Variants in COL4A2 observed in about 807,000 individuals in gnomAD.
COL4A2 encodes collagen type IV alpha 2 chain.
COL4A2 carries 99 observed loss-of-function variants against 200.2 expected under a neutral mutation model. The observed-to-expected ratio is 0.49, with a 90% confidence interval of 0.42 to 0.58. The LOEUF is 0.58. COL4A2 is among the 20% of genes least tolerant of loss of function. The pLI, the probability that COL4A2 is intolerant of heterozygous loss-of-function variation, is 0.00. For missense variants in COL4A2, 1,950 were observed against 2,314.1 expected (o/e 0.84, Z 3.23); for synonymous variants, 897 against 900.6 (o/e 1.00, Z 0.07).
intron 45 of COL4A2, among the ~76,000 whole-genome samples, chr13:110,505,336 C>A (rs1468484201): frequency 6.6e-6 from 1 of 151,378 alleles, no homozygotes; most frequent in African/African-American, 2.4e-5. Context: ...GGGGACAGAG[C>A]GAGACTCCGT....
intron 31 of COL4A2, among the ~76,000 whole-genome samples, chr13:110,482,201 G>A (rs185230078): frequency 5.1e-3 from 777 of 152,370 alleles, no homozygotes; most frequent in Non-Finnish European, 9.2e-3. Context: ...CTCTGCCTTT[G>A]TCTTGATGGG....
At chr13:110,350,698 A>G (rs1380527201) in intron 3 of COL4A2, among the ~76,000 whole-genome samples, 1 of 152,124 alleles carries the variant, frequency 6.6e-6, no homozygotes, top group Non-Finnish European at 1.5e-5. Flanking sequence ...GGGCTTTGCA[A>G]ACCTCGGTGT....
At chr13:110,511,235 G>GAA (rs11403645) in intron 47 of COL4A2, among the ~76,000 whole-genome samples, 191 of 128,528 alleles carry the variant, frequency 1.5e-3, no homozygotes, top group East Asian at 9.2e-3. Flanking sequence ...ACTTTAAAAT[G>GAA]AAAAAAAAAA....
chr13:110,423,787 A>G (rs1335876421), intron 4 of COL4A2, among the ~76,000 whole-genome samples: 1 of 152,116 alleles, frequency 6.6e-6, no homozygotes, highest in African/African-American at 2.4e-5. Context: ...TGAGCGTGCT[A>G]GGGACTGCAT....
intron 3 of COL4A2, among the ~76,000 whole-genome samples, chr13:110,344,249 G>T (rs1248339690): frequency 6.6e-6 from 1 of 152,092 alleles, no homozygotes; most frequent in Non-Finnish European, 1.5e-5. Context: ...AGAGTTAAAA[G>T]CTCCTTGTAA....
chr13:110,313,105 C>A (rs1885030910), intron 3 of COL4A2, among the ~76,000 whole-genome samples: 1 of 152,110 alleles, frequency 6.6e-6, no homozygotes, highest in African/African-American at 2.4e-5. Context: ...CCACATGGGA[C>A]TTTTTATCTT....
At position 110,469,292 on chromosome 13, in the gene COL4A2, A is replaced by G; in HGVS notation, c.2171A>G (p.Asp724Gly). 1 of 1,599,034 alleles carries G rather than the reference A, an allele frequency of 6.3e-7. No homozygotes were observed. Among genetic ancestry groups the G allele is most frequent in the Non-Finnish European group, 8.5e-7 (1 of 1,173,034 alleles). The change falls in exon 28 of 48, where the codon GAC becomes GGC. Residue 724 changes from aspartate (D) to glycine (G), a missense_variant. By Grantham distance (94) the Asp-to-Gly change is moderately conservative. Coordinates refer to ENST00000360467, the MANE Select transcript of COL4A2 (RefSeq NM_001846.4). ...GGPGPRGLPG[D>G]AGREGFPGPP... ...CCAGGGCCCAGGGGCTTGCCAGGAG[A>G]CGCAGGTCGTGAAGGGTTCCCAGGA... is the stretch of plus-strand genomic sequence containing the variant.
intron 3 of COL4A2, among the ~76,000 whole-genome samples, chr13:110,356,100 A>G (rs1006833655): frequency 6.6e-6 from 1 of 151,902 alleles, no homozygotes; most frequent in East Asian, 1.9e-4. Context: ...CAGTAGCCCA[A>G]TCTCCAAGTC....
intron 29 of COL4A2, among the ~76,000 whole-genome samples, chr13:110,476,296 T>G (rs1882701618): frequency 2.6e-5 from 4 of 152,096 alleles, no homozygotes; most frequent in Non-Finnish European, 5.9e-5. Flanking sequence ...ACAATCCATT[T>G]CCCCTGGAGC....
At chr13:110,363,980 C>T (rs765858184) in intron 4 of COL4A2, among the ~76,000 whole-genome samples, 2 of 152,114 alleles carry the variant, frequency 1.3e-5, no homozygotes, top group Non-Finnish European at 2.9e-5. Flanking sequence ...AGATTATAGG[C>T]GTGAGCCACT....
In COL4A2 at chr13:110,512,325, CACTT is replaced by C; in HGVS notation, c.*136_*139del. On this transcript the variant is annotated 3_prime_UTR_variant, in exon 48 of 48. Coordinates refer to ENST00000360467, the MANE Select transcript of COL4A2 (RefSeq NM_001846.4). Reference sequence around the variant, plus strand: ...CAAAGGAATTTGCATCCAGCAGCAGCACTTAGACCTGCCAGCCACTGTCACCGAG... The same window carrying C: ...CAAAGGAATTTGCATCCAGCAGCAGCAGACCTGCCAGCCACTGTCACCGAG... 7.3e-7 allele frequency: 1 copy of C among 1,379,036 alleles called. No homozygotes were observed. The highest frequency in any genetic ancestry group is 1.5e-5 in the South Asian group (1 of 64,724). The allele number at this position is 1,379,036 out of a possible 1,614,324, so 85.4% of individuals were successfully genotyped here.
At chr13:110,354,180 G>A (rs144184856) in intron 3 of COL4A2, among the ~76,000 whole-genome samples, 1 of 152,318 alleles carries the variant, frequency 6.6e-6, no homozygotes, top group East Asian at 1.9e-4. Context: ...ATGAGTTGAT[G>A]CTTTACCCTA....
At chr13:110,509,770 G>T (rs1884025210) in intron 47 of COL4A2, among the ~76,000 whole-genome samples, 1 of 152,142 alleles carries the variant, frequency 6.6e-6, no homozygotes, top group Non-Finnish European at 1.5e-5. Flanking sequence ...ATGGCTGACA[G>T]CCCCAGCAAG....
chr13:110,345,617 G>A (rs986259485), intron 3 of COL4A2, among the ~76,000 whole-genome samples: 2 of 152,138 alleles, frequency 1.3e-5, no homozygotes, highest in African/African-American at 4.8e-5. Flanking sequence ...CCTGATATGG[G>A]CTCTCAACTA....
chr13:110,381,360 T>G (rs886389973), intron 4 of COL4A2, among the ~76,000 whole-genome samples: 8 of 152,260 alleles, frequency 5.3e-5, no homozygotes, highest in African/African-American at 1.7e-4. Flanking sequence ...GGCGTCCCCT[T>G]TCCTTGACAT....
Position 110,402,042 on chromosome 13 carries a change from A to G in COL4A2, c.181-22692A>G, listed in dbSNP as rs1465222980. On this transcript the variant is annotated intron_variant, in intron 4 of 47. Transcript: ENST00000360467. ...TTATGAATTTTGGAGGGACACATTCAGTCCGTAACATTTCACCCCTAACCT... is the reference window on the plus strand; with the variant it reads ...TTATGAATTTTGGAGGGACACATTCGGTCCGTAACATTTCACCCCTAACCT... 2.0e-5 allele frequency among the ~76,000 whole-genome samples: 3 copies of G among 152,208 alleles called. No homozygotes were observed. The South Asian group carries it at 6.2e-4, about 32-fold the overall frequency.
chr13:110,315,743 C>A (rs1482064764), intron 3 of COL4A2, among the ~76,000 whole-genome samples: 2 of 152,220 alleles, frequency 1.3e-5, no homozygotes, highest in African/African-American at 4.8e-5. Flanking sequence ...GCTGACATTG[C>A]TGTTCCCACA....
At position 110,313,842 on chromosome 13, in the gene COL4A2, G is replaced by A. The variant is rs12869246; in HGVS notation, c.99+5719G>A. On this transcript the variant is annotated intron_variant, in intron 3 of 47. Transcript: ENST00000360467. Reference sequence around the variant, plus strand: ...TGTCCACCCGGCAGGCTCCCACCCCGGTGCCCCGCGTCCACCCGGCAGGCT... The same window carrying A: ...TGTCCACCCGGCAGGCTCCCACCCCAGTGCCCCGCGTCCACCCGGCAGGCT... Among the ~76,000 whole-genome samples, 673 of 27,222 alleles carry A rather than the reference G, an allele frequency of 0.025. 189 individuals carry two copies. The East Asian group carries it at 0.3, about 12-fold the overall frequency. The allele number at this position is 27,222 out of a possible 152,430, so 17.9% of individuals were successfully genotyped here.
At chr13:110,451,392 TC>T (rs1881533761) in intron 20 of COL4A2, among the ~76,000 whole-genome samples, 1 of 152,236 alleles carries the variant, frequency 6.6e-6, no homozygotes, top group Non-Finnish European at 1.5e-5. Context: ...ATTAGTTCGT[TC>T]TCACGCTGCT....
Sources: gnomAD v4.1 joint callset for allele counts (sites outside exome capture counted in the v4.1 genomes callset) on GRCh38, gnomAD v4.1.1 for gene constraint, MANE v1.5 for transcripts, NCBI Gene and HGNC (gene_info 2026-07-23, HGNC 2026-07-21) for gene names.